Variants in KRT8 observed in about 807,000 individuals in gnomAD.
The protein encoded by KRT8 is keratin, type II cytoskeletal 8.
A neutral mutation model predicts 43.0 loss-of-function variants in KRT8; 24 were observed. The ratio of observed to expected loss-of-function variants is 0.56; its 90% CI spans 0.40 to 0.78. The LOEUF (loss-of-function observed/expected upper bound fraction) is 0.78. Ranked by LOEUF, KRT8 falls within the 30% of genes least tolerant of loss-of-function variation. The pLI is 0.00. For missense variants in KRT8, 492 were observed against 638.4 expected (o/e 0.77, Z 2.47); for synonymous variants, 214 against 261.2 (o/e 0.82, Z 1.74).
chr12:52,900,494 G>A (rs1941339827), intron 4 of KRT8, 94 bp downstream of exon 4: 1 of 813,930 alleles, frequency 1.2e-6, no homozygotes, highest in Admixed American at 1.8e-5. Context: ...TCTTATTAGT[G>A]TGCTGGGGGC....
chr12:52,906,862 C>T (rs145763707), upstream of KRT8: 12 of 437,356 alleles, frequency 2.7e-5, no homozygotes, highest in East Asian at 5.6e-4. Context: ...CACCCAGGCT[C>T]ACAGAAAGAC....
rs149503172 is a variant in KRT8 at position 52,900,808 on chromosome 12, T to C, written c.595-125A>G. The C allele has an allele frequency of 4.5e-4, 326 of 716,804 alleles. 1 individual carries two copies. Among genetic ancestry groups the C allele is most frequent in the African/African-American group, 3.8e-3 (220 of 57,882 alleles). The allele number at this position is 716,804 out of a possible 1,614,324, so 44.4% of individuals were successfully genotyped here. A position where few individuals can be genotyped will look rare whatever the true frequency, so the allele number is the denominator to read the frequency against. The stretch of plus-strand genomic sequence containing the variant: ...TAGTTGCCCACTTTGTGGATTGATC[T>C]TCCAGCCCAGCCTCTGCCCATCACA... On this transcript the variant is annotated intron_variant, in intron 3 of 7. Coordinates refer to ENST00000692008, the Ensembl canonical transcript of KRT8.
At chr12:52,917,364 C>T (rs1187042053) in intron 2 of KRT8, among the ~76,000 whole-genome samples, 1 of 145,374 alleles carries the variant, frequency 6.9e-6, no homozygotes, top group African/African-American at 2.6e-5. Flanking sequence ...ATCACACCAT[C>T]GCACTCCAAC....
upstream of KRT8, among the ~76,000 whole-genome samples, chr12:52,908,347 C>T (rs1041665099): frequency 2.0e-5 from 3 of 152,116 alleles, no homozygotes; most frequent in Non-Finnish European, 4.4e-5. Context: ...GCTTAGAGAT[C>T]AGGACTGATG....
upstream of KRT8, among the ~76,000 whole-genome samples, chr12:52,908,342 G>A (rs1423151361): frequency 6.6e-6 from 1 of 152,106 alleles, no homozygotes; most frequent in Non-Finnish European, 1.5e-5. Context: ...GTTTTGCTTA[G>A]AGATCAGGAC....
intron 5 of KRT8, 111 bp downstream of exon 5, chr12:52,899,664 C>T: frequency 1.0e-6 from 1 of 963,320 alleles, no homozygotes; most frequent in African/African-American, 1.6e-5. Context: ...AACTCCTGAA[C>T]CCTGGTCTAG....
chr12:52,941,163 T>A (rs2120732170), intron 2 of KRT8, among the ~76,000 whole-genome samples: 1 of 150,408 alleles, frequency 6.6e-6, no homozygotes, highest in South Asian at 2.1e-4. Flanking sequence ...GCCTCCTGGG[T>A]TCAAGCGAAT....
At chr12:52,943,615 G>A (rs557259160) in intron 2 of KRT8, among the ~76,000 whole-genome samples, 5 of 152,194 alleles carry the variant, frequency 3.3e-5, no homozygotes, top group African/African-American at 4.8e-5. Flanking sequence ...AGGTGGGCCC[G>A]TTGCACGTGG....
intron 2 of KRT8, among the ~76,000 whole-genome samples, chr12:52,941,619 G>T (rs1214711775): frequency 6.6e-6 from 1 of 151,018 alleles, no homozygotes; most frequent in East Asian, 2.0e-4. Context: ...CTCCCGAGTA[G>T]CTGGAATTAC....
chr12:52,898,501 C>T, exon 7 of KRT8: 4 of 1,614,086 alleles, frequency 2.5e-6, no homozygotes, highest in Non-Finnish European at 3.4e-6. Flanking sequence ...TACTCATGTT[C>T]TGCATCCCAG....
At chr12:52,938,247 C>A (rs1246196817) in intron 2 of KRT8, among the ~76,000 whole-genome samples, 1 of 143,658 alleles carries the variant, frequency 7.0e-6, no homozygotes, top group African/African-American at 2.6e-5. Flanking sequence ...TAGCTCACTG[C>A]AACCTCTGCC....
intron 2 of KRT8, among the ~76,000 whole-genome samples, chr12:52,915,775 G>A (rs1010968455): frequency 6.6e-6 from 1 of 152,074 alleles, no homozygotes; most frequent in African/African-American, 2.4e-5. Flanking sequence ...AACAACAGAT[G>A]TTCACTACAT....
chr12:52,932,805 T>TAA (rs142235030), intron 2 of KRT8, among the ~76,000 whole-genome samples: 2 of 138,968 alleles, frequency 1.4e-5, no homozygotes, highest in Admixed American at 1.4e-4. Flanking sequence ...GTGTCTATAA[T>TAA]AAAAAAAAAA....
chr12:52,904,651 C>T lies in KRT8; in HGVS notation c.324+7G>A, dbSNP rs754155752. 2.5e-6 allele frequency: 4 copies of T among 1,611,658 alleles called. No individual in the cohort carries two copies. Among genetic ancestry groups the T allele is most frequent in the African/African-American group, 1.3e-5 (1 of 74,846 alleles). On this transcript the variant is annotated splice_region_variant and intron_variant, in intron 1 of 7. Transcript: ENST00000692008. ...GGCACAGTCAGCCACGCAGGGGGGACCCTCACCTTGTCTATGAAGGAGGCA... is the reference window on the plus strand; with the variant it reads ...GGCACAGTCAGCCACGCAGGGGGGATCCTCACCTTGTCTATGAAGGAGGCA...
At chr12:52,904,830 C>A (rs747524509) in exon 1 of KRT8, 3 of 1,612,508 alleles carry the variant, frequency 1.9e-6, no homozygotes, top group Non-Finnish European at 2.5e-6. Context: ...ATAGCCGCCG[C>A]CCAGGCCACC....
chr12:52,899,381 G>T (rs1941304930), intron 5 of KRT8, among the ~76,000 whole-genome samples: 1 of 152,066 alleles, frequency 6.6e-6, no homozygotes, highest in Admixed American at 6.5e-5. Context: ...GTTTCCAGGT[G>T]CTTCCCCTCC....
exon 8 of KRT8, chr12:52,897,605 C>G: frequency 6.3e-7 from 1 of 1,598,110 alleles, no homozygotes; most frequent in Non-Finnish European, 8.5e-7. Flanking sequence ...CCCCATAGGC[C>G]GAGCTCAGAC....
chr12:52,928,475 C>A (rs1942031352), intron 2 of KRT8, among the ~76,000 whole-genome samples: 2 of 152,148 alleles, frequency 1.3e-5, no homozygotes, highest in Non-Finnish European at 2.9e-5. Context: ...GATCCACACA[C>A]CCCTCCCTTC....
chr12:52,900,723 C>T, intron 3 of KRT8, 40 bp from the exon 4 acceptor site: 2 of 1,422,998 alleles, frequency 1.4e-6, no homozygotes, highest in Non-Finnish European at 2.0e-6. Flanking sequence ...TGGGTTTCCA[C>T]ACCCAACCCC....
Sources: allele counts gnomAD v4.1 joint callset (sites outside exome capture counted in the v4.1 genomes callset), GRCh38; gene constraint gnomAD v4.1.1; transcripts MANE v1.5; gene names NCBI Gene and HGNC (gene_info 2026-07-23, HGNC 2026-07-21).